TMEM135: variants seen among roughly 807,000 people sequenced by gnomAD.
TMEM135 encodes the protein transmembrane protein 135, also known as peroxisomal membrane protein 52.
TMEM135 carries 30 observed loss-of-function variants against 60.3 expected under a neutral mutation model. That is an observed-to-expected ratio of 0.50 (90% CI 0.37 to 0.68). TMEM135 has a LOEUF of 0.68. TMEM135 is among the 30% of genes least tolerant of loss of function. The probability of loss-of-function intolerance (pLI) is 0.00; values close to 1 mark genes in which losing one functional copy is unlikely to be tolerated. For missense variants in TMEM135, 468 were observed against 548.8 expected (o/e 0.85, Z 1.47); for synonymous variants, 190 against 186.7 (o/e 1.02, Z -0.14).
intron 6 of TMEM135, among the ~76,000 whole-genome samples, chr11:87,294,616 C>T (rs935050135): frequency 5.9e-5 from 9 of 152,232 alleles, no homozygotes; most frequent in African/African-American, 2.2e-4. Flanking sequence ...CTCCTAATCT[C>T]AGGTGATCCG....
chr11:87,319,035 A>AT (rs1942779309), intron 13 of TMEM135: 1 of 340,104 alleles, frequency 2.9e-6, no homozygotes, highest in African/African-American at 2.2e-5. Context: ...CGCCTGGCTA[A>AT]TTTTTGTATT....
chr11:87,169,202 C>T (rs935217604), intron 5 of TMEM135, among the ~76,000 whole-genome samples: 15 of 149,118 alleles, frequency 1.0e-4, no homozygotes, highest in African/African-American at 2.0e-4. Flanking sequence ...TGTCTTTGCA[C>T]GTGAGATGGG....
At chr11:87,179,537 G>T (rs1249466144) in intron 5 of TMEM135, among the ~76,000 whole-genome samples, 1 of 152,054 alleles carries the variant, frequency 6.6e-6, no homozygotes, top group African/African-American at 2.4e-5. Flanking sequence ...TATGGTGTGA[G>T]ATACTCTGGT....
rs148625164 is a variant in TMEM135 at position 87,091,041 on chromosome 11, A to G, written c.363-321A>G. ...ATTACAAAATTTAGATTTCTCTAGC[A>G]TAAACATAGACTAGTAGGAAATTAT... On this transcript the variant is annotated intron_variant, in intron 3 of 14. Transcript: ENST00000305494. Among the ~76,000 whole-genome samples the G allele has an allele frequency of 4.7e-3, 721 of 152,186 alleles. 2 individuals carry two copies. Among genetic ancestry groups the G allele is most frequent in the Middle Eastern group, 0.014 (4 of 294 alleles).
intron 8 of TMEM135, 109 bp from the exon 9 acceptor site, chr11:87,305,826 TC>T (rs1942532526): frequency 2.0e-6 from 1 of 497,572 alleles, no homozygotes; most frequent in Non-Finnish European, 3.5e-6. Context: ...TTCTTCTCTC[TC>T]TTTTTTTTTT....
Position 87,313,474 on chromosome 11 carries a change from A to C in TMEM135, c.986A>C (p.His329Pro). Reference protein sequence around the residue: ...RWIRNLDDELHAIIAGFLAGI... With the variant: ...RWIRNLDDELPAIIAGFLAGI... The stretch of plus-strand genomic sequence containing the variant: ...ATCAGAAACTTAGATGATGAACTAC[A>C]TGCTATTATAGCTGGTAAAGCAATA... Residue 329 changes from histidine to proline, a missense_variant, in exon 11 of 15, where the codon CAT becomes CCT. By Grantham distance (77) the His-to-Pro change is moderately conservative. Coordinates refer to ENST00000305494, the MANE Select transcript of TMEM135 (RefSeq NM_022918.4). 1 of 1,610,670 alleles carries C rather than the reference A, an allele frequency of 6.2e-7. No homozygotes were observed. The highest frequency in any genetic ancestry group is 8.5e-7 in the Non-Finnish European group (1 of 1,177,450).
At chr11:87,305,209 A>T (rs1041582848) in intron 8 of TMEM135, among the ~76,000 whole-genome samples, 3 of 152,060 alleles carry the variant, frequency 2.0e-5, no homozygotes, top group African/African-American at 7.2e-5. Flanking sequence ...TCAAGTACTG[A>T]CTTCATGGAT....
intron 5 of TMEM135, chr11:87,178,565 A>G (rs1478719822): frequency 2.2e-6 from 1 of 454,414 alleles, no homozygotes; most frequent in Admixed American, 2.4e-5. Context: ...AGCTGGGACT[A>G]CAGGGGTGCA....
chr11:87,268,600 A>C (rs974310497), intron 6 of TMEM135, among the ~76,000 whole-genome samples: 4 of 152,296 alleles, frequency 2.6e-5, no homozygotes, highest in South Asian at 2.1e-4. Flanking sequence ...CCAAAATGTA[A>C]ATCTTTAGGG....
At chr11:87,316,261 A>AAT (rs199872775) in intron 12 of TMEM135, among the ~76,000 whole-genome samples, 11 of 150,348 alleles carry the variant, frequency 7.3e-5, no homozygotes, top group Non-Finnish European at 1.5e-4. Flanking sequence ...GCTTTACCCA[A>AAT]ATATATGTGT....
chr11:87,055,163 T>C (rs1949881846), intron 1 of TMEM135, among the ~76,000 whole-genome samples: 1 of 152,204 alleles, frequency 6.6e-6, no homozygotes, highest in Non-Finnish European at 1.5e-5. Flanking sequence ...TGGGAAGCCT[T>C]TCCTAAGGAA....
At chr11:87,077,202 T>G (rs1856891742) in intron 3 of TMEM135, among the ~76,000 whole-genome samples, 1 of 152,270 alleles carries the variant, frequency 6.6e-6, no homozygotes, top group African/African-American at 2.4e-5. Flanking sequence ...ATTTATATCA[T>G]TTCGAGGAAG....
chr11:87,245,981 G>T (rs1168428570), intron 6 of TMEM135, among the ~76,000 whole-genome samples: 2 of 141,014 alleles, frequency 1.4e-5, no homozygotes. Context: ...ATTTTGCAGC[G>T]GCTGGTACCG....
chr11:87,166,222 T>A (rs965897762), intron 5 of TMEM135, among the ~76,000 whole-genome samples: 32 of 151,800 alleles, frequency 2.1e-4, no homozygotes, highest in African/African-American at 7.1e-4. Context: ...GTTAGATGGA[T>A]AGATTGTAGA....
In TMEM135 at chr11:87,038,021, T is replaced by G. The variant is rs761757644; in HGVS notation, c.-25T>G. 6.2e-7 allele frequency: 1 copy of G among 1,613,280 alleles called. No individual in the cohort carries two copies. Among genetic ancestry groups the G allele is most frequent in the East Asian group, 2.2e-5 (1 of 44,844 alleles). On this transcript the variant is annotated 5_prime_UTR_variant, in exon 1 of 15. Coordinates refer to ENST00000305494, the MANE Select transcript of TMEM135 (RefSeq NM_022918.4). ...TGCAGGGCTCAGGCTCTCCCCCTCC[T>G]GTCTTCTCCGCGCTGTTCCTCGTCA...
In TMEM135 at chr11:87,067,747, C is replaced by T. The variant is rs1219589899; in HGVS notation, c.195C>T (p.Leu65=). The change falls in exon 2 of 15, where the codon CTC becomes CTT. Residue 65 remains leucine, a synonymous_variant. Transcript: ENST00000305494. ...TAGACTATTATTTACACAAACTACT[C>T]CCTGAGATCCTACAATCCGCTTCAT... is the stretch of plus-strand genomic sequence containing the variant. ...RKLDYYLHKL[L]PEILQSASFL... is the part of the protein sequence containing the mutation. 3.7e-6 allele frequency: 6 copies of T among 1,613,930 alleles called. No individual in the cohort carries two copies. Among genetic ancestry groups the T allele is most frequent in the Non-Finnish European group, 5.1e-6 (6 of 1,179,934 alleles).
chr11:87,277,231 A>C (rs1359061645), intron 6 of TMEM135: 2 of 365,652 alleles, frequency 5.5e-6, no homozygotes, highest in Non-Finnish European at 1.1e-5. Flanking sequence ...TCCCGGGTTC[A>C]AGCGATTCTT....
chr11:87,250,008 A>G (rs1941378534), intron 6 of TMEM135, among the ~76,000 whole-genome samples: 1 of 151,998 alleles, frequency 6.6e-6, no homozygotes, highest in Non-Finnish European at 1.5e-5. Flanking sequence ...AGGTTTTGGA[A>G]TTCTTCATGG....
At chr11:87,230,488 A>G (rs1940867173) in intron 5 of TMEM135, among the ~76,000 whole-genome samples, 2 of 152,118 alleles carry the variant, frequency 1.3e-5, no homozygotes, top group Admixed American at 6.6e-5. Flanking sequence ...GGCTTTATGT[A>G]TGTTACATTA....
Sources: gnomAD v4.1 joint callset for allele counts (sites outside exome capture counted in the v4.1 genomes callset) on GRCh38, gnomAD v4.1.1 for gene constraint, MANE v1.5 for transcripts, NCBI Gene and HGNC (gene_info 2026-07-23, HGNC 2026-07-21) for gene names.